The following DIP2C variants were observed in gnomAD, a reference collection of about 807,000 sequenced individuals.
DIP2C encodes the protein disco-interacting protein 2 homolog C.
Under a neutral mutation model 192.4 loss-of-function variants are expected in DIP2C, and 33 were observed. The ratio of observed to expected loss-of-function variants is 0.17; its 90% CI spans 0.13 to 0.23. DIP2C has a LOEUF of 0.23. Among genes scored for constraint, DIP2C ranks in the 10% least tolerant of loss-of-function variants. The pLI is 1.00. For missense variants in DIP2C, 1,537 were observed against 2,110.1 expected (o/e 0.73, Z 5.32); for synonymous variants, 979 against 864.1 (o/e 1.13, Z -2.33).
intron 1 of DIP2C, among the ~76,000 whole-genome samples, chr10:599,947 G>C (rs1413108467): frequency 6.6e-6 from 1 of 152,124 alleles, no homozygotes; most frequent in African/African-American, 2.4e-5. Context: ...CAAGAGGCCG[G>C]GTGTGCAGGA....
chr10:470,239 C>A (rs1317576279), intron 3 of DIP2C, among the ~76,000 whole-genome samples: 1 of 152,100 alleles, frequency 6.6e-6, no homozygotes, highest in Non-Finnish European at 1.5e-5. Context: ...AGACATGAGT[C>A]AGGATGGGGA....
intron 4 of DIP2C, among the ~76,000 whole-genome samples, chr10:428,576 C>G (rs1470295384): frequency 6.6e-6 from 1 of 152,050 alleles, no homozygotes; most frequent in Non-Finnish European, 1.5e-5. Context: ...TTCAGGATCT[C>G]CTCTTAATCC....
chr10:338,302 G>A (rs569553593), intron 29 of DIP2C, among the ~76,000 whole-genome samples: 18 of 152,278 alleles, frequency 1.2e-4, no homozygotes, highest in African/African-American at 2.6e-4. Context: ...ATTTACAGAG[G>A]CCACAATAGT....
chr10:366,439 G>A (rs747843522), intron 18 of DIP2C, 28 bp from the exon 19 acceptor site: 1 of 1,613,776 alleles, frequency 6.2e-7, no homozygotes, highest in Non-Finnish European at 8.5e-7. Context: ...AGCACATGCA[G>A]TGTGAGAGGG....
intron 1 of DIP2C, among the ~76,000 whole-genome samples, chr10:488,031 T>C (rs1354697386): frequency 1.3e-5 from 2 of 152,240 alleles, no homozygotes; most frequent in African/African-American, 4.8e-5. Flanking sequence ...TTACAAACAA[T>C]GTCCAAAATC....
Position 571,319 on chromosome 10 carries a change from C to G in DIP2C, c.86-84789G>C, listed in dbSNP as rs376469665. On this transcript the variant is annotated intron_variant, in intron 1 of 36. Coordinates refer to ENST00000280886, the MANE Select transcript of DIP2C (RefSeq NM_014974.3). Reference sequence around the variant, plus strand: ...CCCACTGAGGGCCAATCAGCTCCCCCCGGCCATCACACTTCCTAAGGGTCA... The same window carrying G: ...CCCACTGAGGGCCAATCAGCTCCCCGCGGCCATCACACTTCCTAAGGGTCA... 2.8e-4 allele frequency among the ~76,000 whole-genome samples: 43 copies of G among 152,312 alleles called. 1 individual carries two copies. The East Asian group carries it at 6.9e-3, about 25-fold the overall frequency.
In DIP2C at chr10:581,878, G is replaced by A. The variant is rs1003608086; in HGVS notation, c.86-95348C>T. Among the ~76,000 whole-genome samples the A allele has an allele frequency of 4.6e-5, 7 of 152,136 alleles. 1 individual carries two copies. The highest frequency in any genetic ancestry group is 9.7e-5 in the African/African-American group (4 of 41,426). On this transcript the variant is annotated intron_variant, in intron 1 of 36. Coordinates refer to ENST00000280886, the MANE Select transcript of DIP2C (RefSeq NM_014974.3). ...CATCTTAGCACATGTTAGGCCAGCTGTCCCCAGCCTTTTTGGCACCAGCGA... is the reference window on the plus strand; with the variant it reads ...CATCTTAGCACATGTTAGGCCAGCTATCCCCAGCCTTTTTGGCACCAGCGA...
intron 17 of DIP2C, among the ~76,000 whole-genome samples, chr10:382,252 A>G (rs1479139567): frequency 1.3e-5 from 2 of 152,252 alleles, no homozygotes; most frequent in East Asian, 1.9e-4. Flanking sequence ...TAAATCCCAC[A>G]GCACATGGAA....
chr10:391,384 AC>A (rs1963443956), intron 10 of DIP2C, among the ~76,000 whole-genome samples: 1 of 152,236 alleles, frequency 6.6e-6, no homozygotes, highest in Non-Finnish European at 1.5e-5. Context: ...CTTTCTCCTC[AC>A]CCTGAGCAGC....
chr10:497,303 C>G lies in DIP2C; in HGVS notation c.86-10773G>C, dbSNP rs150723661. 2.7e-3 allele frequency among the ~76,000 whole-genome samples: 412 copies of G among 152,262 alleles called. 1 individual carries two copies. The highest frequency in any genetic ancestry group is 9.3e-3 in the African/African-American group (386 of 41,542). On this transcript the variant is annotated intron_variant, in intron 1 of 36. Coordinates refer to ENST00000280886, the MANE Select transcript of DIP2C (RefSeq NM_014974.3). ...TTTTCACTTTTAGTTTGGCTGCATCCAGGGCTATAGAACCCACGAATATGG... is the reference window on the plus strand; with the variant it reads ...TTTTCACTTTTAGTTTGGCTGCATCGAGGGCTATAGAACCCACGAATATGG...
chr10:389,618 T>C (rs1963293824), intron 13 of DIP2C, among the ~76,000 whole-genome samples: 1 of 152,168 alleles, frequency 6.6e-6, no homozygotes, highest in South Asian at 2.1e-4. Flanking sequence ...CCGGCGTGGC[T>C]GTGTGGAGAG....
intron 2 of DIP2C, among the ~76,000 whole-genome samples, chr10:482,617 T>C (rs1232039642): frequency 6.6e-6 from 1 of 152,106 alleles, no homozygotes; most frequent in Non-Finnish European, 1.5e-5. Flanking sequence ...CAAGAAACAT[T>C]TCACAGACAA....
At chr10:410,342 T>C (rs1322762728) in intron 8 of DIP2C, among the ~76,000 whole-genome samples, 1 of 152,230 alleles carries the variant, frequency 6.6e-6, no homozygotes, top group Non-Finnish European at 1.5e-5. Context: ...TTCTAGCATA[T>C]TCTTGAGCAC....
chr10:538,885 GACT>G (rs964025000), intron 1 of DIP2C, among the ~76,000 whole-genome samples: 32 of 152,216 alleles, frequency 2.1e-4, no homozygotes, highest in African/African-American at 3.9e-4. Flanking sequence ...AAATGTACAT[GACT>G]ACTAAGAACT....
At chr10:594,657 T>TG (rs142562905) in intron 1 of DIP2C, among the ~76,000 whole-genome samples, 21 of 152,108 alleles carry the variant, frequency 1.4e-4, no homozygotes, top group Admixed American at 2.0e-4. Flanking sequence ...CTCGAGTCCC[T>TG]GGCTGCTTCC....
chr10:497,055 T>A lies in DIP2C; in HGVS notation c.86-10525A>T, dbSNP rs559169962. Among the ~76,000 whole-genome samples the A allele has an allele frequency of 5.9e-5, 9 of 152,058 alleles. No homozygotes were observed. In the East Asian group the frequency reaches 1.4e-3, roughly 23 times the overall value. On this transcript the variant is annotated intron_variant, in intron 1 of 36. Coordinates refer to ENST00000280886, the MANE Select transcript of DIP2C (RefSeq NM_014974.3). ...AGAAGAATGGCATGAACCCAGGAGA[T>A]GGAGCTTGCAGTGAGCTGAGATCGT...
At chr10:567,404 C>G (rs918927414) in intron 1 of DIP2C, among the ~76,000 whole-genome samples, 1 of 152,104 alleles carries the variant, frequency 6.6e-6, no homozygotes, top group Non-Finnish European at 1.5e-5. Context: ...GTTGGTCAGG[C>G]TGGTCTCGAA....
At chr10:613,457 C>T (rs536313096) in intron 1 of DIP2C, among the ~76,000 whole-genome samples, 87 of 152,336 alleles carry the variant, frequency 5.7e-4, no homozygotes, top group Non-Finnish European at 1.0e-3. Flanking sequence ...CTAAGGAATC[C>T]GATTTGGAGG....
intron 10 of DIP2C, among the ~76,000 whole-genome samples, chr10:393,236 G>A (rs1004247356): frequency 5.3e-5 from 8 of 152,176 alleles, no homozygotes; most frequent in South Asian, 4.1e-4. Context: ...CACTTCTAGC[G>A]GCTGTAGGAC....
Sources: allele counts gnomAD v4.1 joint callset (sites outside exome capture counted in the v4.1 genomes callset), GRCh38; gene constraint gnomAD v4.1.1; transcripts MANE v1.5; gene names NCBI Gene and HGNC (gene_info 2026-07-23, HGNC 2026-07-21).